Variants in RBFOX2 observed in about 807,000 individuals in gnomAD.
RBFOX2 encodes RNA binding fox-1 homolog 2.
RBFOX2 carries 10 observed loss-of-function variants against 49.1 expected under a neutral mutation model. That is an observed-to-expected ratio of 0.20 (90% CI 0.13 to 0.35). RBFOX2 has a LOEUF of 0.35. Among genes scored for constraint, RBFOX2 ranks in the 10% least tolerant of loss-of-function variants. The pLI is 1.00. For missense variants in RBFOX2, 323 were observed against 486.9 expected (o/e 0.66, Z 3.17); for synonymous variants, 183 against 187.4 (o/e 0.98, Z 0.19).
intron 1 of RBFOX2, among the ~76,000 whole-genome samples, chr22:35,883,061 G>A (rs765611414): frequency 1.3e-5 from 2 of 152,138 alleles, no homozygotes; most frequent in South Asian, 4.2e-4. Context: ...TCCTTGATTA[G>A]GTCTCAACAC....
intron 1 of RBFOX2, among the ~76,000 whole-genome samples, chr22:35,960,068 T>G (rs2056030946): frequency 6.6e-6 from 1 of 152,208 alleles, no homozygotes; most frequent in East Asian, 1.9e-4. Context: ...AATGCACAGA[T>G]GTGGACCCCA....
intron 2 of RBFOX2, among the ~76,000 whole-genome samples, chr22:35,799,178 A>C (rs900713945): frequency 2.6e-5 from 4 of 152,258 alleles, no homozygotes; most frequent in African/African-American, 9.6e-5. Flanking sequence ...ACACAAATAT[A>C]AACATCATAT....
intron 9 of RBFOX2, among the ~76,000 whole-genome samples, chr22:35,753,628 TAAAA>T (rs918387208): frequency 7.0e-6 from 1 of 142,520 alleles, no homozygotes; most frequent in South Asian, 2.2e-4. Flanking sequence ...GTTAGTAGAT[TAAAA>T]AAAAAAAACC....
chr22:35,864,715 T>TA (rs1390452641), intron 1 of RBFOX2, among the ~76,000 whole-genome samples: 1 of 152,214 alleles, frequency 6.6e-6, no homozygotes, highest in Non-Finnish European at 1.5e-5. Flanking sequence ...AACAGTGACT[T>TA]AAGACCAAAT....
At chr22:35,771,641 C>T (rs950926290) in intron 4 of RBFOX2, among the ~76,000 whole-genome samples, 1 of 152,150 alleles carries the variant, frequency 6.6e-6, no homozygotes, top group Non-Finnish European at 1.5e-5. Context: ...TTTTGAAGTA[C>T]TGTTCTTAAA....
chr22:35,960,647 A>C (rs1402473761), intron 1 of RBFOX2, among the ~76,000 whole-genome samples: 2 of 152,182 alleles, frequency 1.3e-5, no homozygotes, highest in Non-Finnish European at 2.9e-5. Flanking sequence ...TCAGAGCCTA[A>C]ACCCATGACT....
chr22:35,898,438 T>C lies in RBFOX2; in HGVS notation c.-34+40409A>G, dbSNP rs527638387. 3.2e-4 allele frequency: 149 copies of C among 459,624 alleles called. 2 individuals are homozygous for C. Among genetic ancestry groups the C allele is most frequent in the South Asian group, 3.2e-3 (147 of 46,328 alleles). 28.5% of individuals were successfully genotyped at this position (459,624 alleles called of 1,614,324 possible). On this transcript the variant is annotated intron_variant, in intron 1 of 13. Coordinates refer to the RBFOX2 transcript ENST00000359369. ...ACAATCCTTTTTTTTTTTTTTTTTT[T>C]TTTCTGAGACAGGGTCTCACTCTGT...
chr22:35,803,506 C>G (rs1280599261), intron 2 of RBFOX2, among the ~76,000 whole-genome samples: 1 of 151,950 alleles, frequency 6.6e-6, no homozygotes, highest in African/African-American at 2.4e-5. Flanking sequence ...CGAGACCCTG[C>G]CTCTACAAAA....
intron 2 of RBFOX2, among the ~76,000 whole-genome samples, chr22:35,804,574 C>G (rs569790890): frequency 6.6e-6 from 1 of 152,106 alleles, no homozygotes; most frequent in Non-Finnish European, 1.5e-5. Flanking sequence ...AATCAGCTGA[C>G]TCCCATGGGA....
chr22:35,968,870 A>G (rs1326471295), intron 1 of RBFOX2, among the ~76,000 whole-genome samples: 1 of 152,222 alleles, frequency 6.6e-6, no homozygotes, highest in African/African-American at 2.4e-5. Context: ...AACTGAAGAT[A>G]TCTTGTTGCT....
intron 1 of RBFOX2, among the ~76,000 whole-genome samples, chr22:35,859,349 A>T (rs2042874457): frequency 6.6e-6 from 1 of 152,212 alleles, no homozygotes; most frequent in Non-Finnish European, 1.5e-5. Context: ...AGCATAGCAT[A>T]CATGAAGCCA....
intron 1 of RBFOX2, among the ~76,000 whole-genome samples, chr22:35,814,776 T>C (rs902041500): frequency 7.0e-6 from 1 of 142,816 alleles, no homozygotes; most frequent in Non-Finnish European, 1.5e-5. Context: ...AAGAGTCTGG[T>C]CAGGCCAGTG....
rs1334671068 is a variant in RBFOX2 at position 35,897,294 on chromosome 22, T to G, written c.-34+41553A>C. ...GTTGACGGTCTTGGCCAGCTTCACATCCTCAATTTCAGCAGACAGCCAGCA... is the reference window on the plus strand; with the variant it reads ...GTTGACGGTCTTGGCCAGCTTCACAGCCTCAATTTCAGCAGACAGCCAGCA... On this transcript the variant is annotated intron_variant, in intron 1 of 13. Coordinates refer to the RBFOX2 transcript ENST00000359369. 11 of 1,504,398 alleles carry G rather than the reference T, an allele frequency of 7.3e-6. No individual in the cohort carries two copies. In the Admixed American group the frequency reaches 1.8e-4, roughly 25 times the overall value. The allele number at this position is 1,504,398 out of a possible 1,614,324, so 93.2% of individuals were successfully genotyped here. A position where few individuals can be genotyped will look rare whatever the true frequency, so the allele number is the denominator to read the frequency against.
upstream of RBFOX2, chr22:35,938,942 A>G (rs1220979689): frequency 6.5e-7 from 1 of 1,526,720 alleles, no homozygotes; most frequent in East Asian, 2.3e-5. Flanking sequence ...GATGAAAGAA[A>G]ATGTTAGGCA....
At chr22:35,788,396 C>T (rs1007890132) in intron 2 of RBFOX2, among the ~76,000 whole-genome samples, 9 of 152,090 alleles carry the variant, frequency 5.9e-5, no homozygotes, top group Non-Finnish European at 1.2e-4. Context: ...TCCTCTTCCC[C>T]CCCGTCCCCC....
chr22:36,022,868 G>C (rs1287870024), intron 1 of RBFOX2, among the ~76,000 whole-genome samples: 1 of 152,156 alleles, frequency 6.6e-6, no homozygotes, highest in South Asian at 2.1e-4. Context: ...AAGCCAGAAG[G>C]TGGGCCCTCA....
At chr22:35,871,180 G>A (rs892343273) in intron 1 of RBFOX2, among the ~76,000 whole-genome samples, 1 of 152,132 alleles carries the variant, frequency 6.6e-6, no homozygotes, top group Middle Eastern at 3.2e-3. Context: ...GAATGGAAAC[G>A]CAACTTTGAC....
At chr22:36,028,604 G>A (rs866753141) in exon 1 of RBFOX2, among the ~76,000 whole-genome samples, 3 of 149,260 alleles carry the variant, frequency 2.0e-5, no homozygotes, top group South Asian at 2.1e-4. Context: ...GCCGCTCCTT[G>A]CCTGACCGCT....
chr22:35,945,670 T>C (rs1399160236), intron 1 of RBFOX2, among the ~76,000 whole-genome samples: 1 of 152,188 alleles, frequency 6.6e-6, no homozygotes, highest in Non-Finnish European at 1.5e-5. Context: ...CTCAAACTCC[T>C]GGCCTCAAGT....
Sources: allele counts gnomAD v4.1 joint callset (sites outside exome capture counted in the v4.1 genomes callset), GRCh38; gene constraint gnomAD v4.1.1; transcripts MANE v1.5; gene names NCBI Gene and HGNC (gene_info 2026-07-23, HGNC 2026-07-21).